Variants in LHPP observed in about 807,000 individuals in gnomAD.
LHPP encodes phospholysine phosphohistidine inorganic pyrophosphate phosphatase.
In LHPP, 24 loss-of-function variants were observed where a neutral mutation model predicts 30.3. The observed-to-expected ratio is 0.79, with a 90% CI of 0.57 to 1.11. The LOEUF is 1.11. Ranked by LOEUF, LHPP falls within the 50% of genes most tolerant of loss-of-function variation. The pLI is 0.00. For synonymous variants in LHPP, 150 were observed against 157.1 expected, an observed-to-expected ratio of 0.95 and a Z score of 0.34; for missense variants, 356 against 367.2, an observed-to-expected ratio of 0.97 and a Z score of 0.25.
chr10:124,606,304 C>A (rs4962392), intron 6 of LHPP, among the ~76,000 whole-genome samples: 14,523 of 152,218 alleles, frequency 0.095, 746 homozygotes, highest in Admixed American at 0.14. Context: ...GGACGATGGA[C>A]GGGAGCAGTG....
At chr10:124,568,783 A>G (rs960308056) in intron 6 of LHPP, among the ~76,000 whole-genome samples, 1 of 152,092 alleles carries the variant, frequency 6.6e-6, no homozygotes, top group African/African-American at 2.4e-5. Context: ...GGTCACCCTC[A>G]CCTCGCCGTT....
At chr10:124,589,929 G>A (rs1948858295) in intron 6 of LHPP, among the ~76,000 whole-genome samples, 1 of 152,148 alleles carries the variant, frequency 6.6e-6, no homozygotes, top group South Asian at 2.1e-4. Context: ...GGGCTGGCGG[G>A]GCTCGGGAGC....
chr10:124,490,579 C>T (rs904759381), intron 3 of LHPP: 1 of 296,876 alleles, frequency 3.4e-6, no homozygotes, highest in African/African-American at 2.2e-5. Context: ...GCATCAACAT[C>T]TCTGCAGCTG....
intron 1 of LHPP, among the ~76,000 whole-genome samples, chr10:124,473,185 AC>A (rs1002805561): frequency 2.0e-5 from 3 of 152,276 alleles, no homozygotes; most frequent in Admixed American, 2.0e-4. Flanking sequence ...GGCACAAGTT[AC>A]AAAGCTCATG....
In LHPP at chr10:124,576,680, G is replaced by A. The variant is rs1055123461; in HGVS notation, c.717-36584G>A. Among the ~76,000 whole-genome samples, 1 of 152,136 alleles carries A rather than the reference G, an allele frequency of 6.6e-6. No individual in the cohort carries two copies. The highest frequency in any genetic ancestry group is 1.5e-5 in the Non-Finnish European group (1 of 68,020). ...ACTGCACACACAAAACTCCTTCCCT[G>A]AGCGAGGGATAGGCAGAGCTGAGGG... On this transcript the variant is annotated intron_variant, in intron 6 of 6. Coordinates refer to ENST00000368842, the MANE Select transcript of LHPP (RefSeq NM_022126.4). This position sits in a 1 kb window ranked among gnomAD's most constrained non-coding sequence, Gnocchi z 4.2.
At position 124,611,403 on chromosome 10, in the gene LHPP, T is replaced by C. The variant is rs111929095; in HGVS notation, c.717-1861T>C. On this transcript the variant is annotated intron_variant, in intron 6 of 6. Coordinates refer to ENST00000368842, the MANE Select transcript of LHPP (RefSeq NM_022126.4). Reference sequence around the variant, plus strand: ...GGGTGACCACTTCTTCCTTGGAGGATGGAAGGGAGAGGGATGTGAGGCTCG... The same window carrying C: ...GGGTGACCACTTCTTCCTTGGAGGACGGAAGGGAGAGGGATGTGAGGCTCG... Among the ~76,000 whole-genome samples, 209 of 147,974 alleles carry C rather than the reference T, an allele frequency of 1.4e-3. 1 individual carries two copies. The highest frequency in any genetic ancestry group is 4.6e-3 in the African/African-American group (189 of 40,750).
chr10:124,574,405 T>C (rs1564837765), intron 6 of LHPP, among the ~76,000 whole-genome samples: 1 of 151,326 alleles, frequency 6.6e-6, no homozygotes, highest in Non-Finnish European at 1.5e-5. Flanking sequence ...TCCCCTCGAG[T>C]CCCCAGAACT....
intron 6 of LHPP, among the ~76,000 whole-genome samples, chr10:124,559,110 C>A (rs11245289): frequency 0.41 from 61,735 of 151,928 alleles, 12,784 homozygotes; most frequent in East Asian, 0.49. Flanking sequence ...CACCTATGTG[C>A]AAAGAAGTTG....
intron 6 of LHPP, among the ~76,000 whole-genome samples, chr10:124,611,344 C>A (rs1564853515): frequency 2.0e-5 from 3 of 152,090 alleles, no homozygotes; most frequent in Admixed American, 2.0e-4. Flanking sequence ...GTCTCTGAAC[C>A]TTTCTGAGCT....
chr10:124,528,279 C>T lies in LHPP; in HGVS notation c.716+11008C>T, dbSNP rs74860990. On this transcript the variant is annotated intron_variant, in intron 6 of 6. Coordinates refer to ENST00000368842, the MANE Select transcript of LHPP (RefSeq NM_022126.4). ...ACTGACTCTGGGGTTCTGTCCACCCCGTGGGTGTGGTCCACCACATGGTCA... is the reference window on the plus strand; with the variant it reads ...ACTGACTCTGGGGTTCTGTCCACCCTGTGGGTGTGGTCCACCACATGGTCA... 1.6e-3 allele frequency among the ~76,000 whole-genome samples: 247 copies of T among 152,354 alleles called. 1 individual carries two copies. Among genetic ancestry groups the T allele is most frequent in the Non-Finnish European group, 2.1e-3 (140 of 68,036 alleles).
intron 5 of LHPP, among the ~76,000 whole-genome samples, chr10:124,506,263 A>ACCCCCCCCCCCCCCCCCCCCCC (rs539116106): frequency 1.2e-4 from 10 of 86,328 alleles, no homozygotes; most frequent in Non-Finnish European, 1.8e-4. Context: ...AAAACAACAA[A>ACCCCCCCCCCCCCCCCCCCCCC]CCCCCCCCCC....
intron 6 of LHPP, among the ~76,000 whole-genome samples, chr10:124,545,092 C>A (rs895429492): frequency 2.0e-5 from 3 of 152,154 alleles, no homozygotes; most frequent in Non-Finnish European, 4.4e-5. Context: ...CTGGTGCCCC[C>A]GCCCCCAGAG....
chr10:124,563,313 C>CTTTTT (rs58678509), intron 6 of LHPP, among the ~76,000 whole-genome samples: 31,112 of 138,656 alleles, frequency 0.22, 4,311 homozygotes, highest in Non-Finnish European at 0.29. Flanking sequence ...CTCTCTTTTT[C>CTTTTT]TTTTTTTTTT....
chr10:124,486,761 G>A (rs200185354), intron 2 of LHPP, among the ~76,000 whole-genome samples: 2 of 152,194 alleles, frequency 1.3e-5, no homozygotes, highest in African/African-American at 2.4e-5. Context: ...GGCCAGGGCC[G>A]CAGGGATACA....
intron 3 of LHPP, among the ~76,000 whole-genome samples, chr10:124,492,882 A>G (rs1390880056): frequency 1.3e-5 from 2 of 152,196 alleles, no homozygotes; most frequent in Non-Finnish European, 2.9e-5. Context: ...TAATGTTAAC[A>G]CTTTTTTCTT....
intron 6 of LHPP, among the ~76,000 whole-genome samples, chr10:124,606,711 G>T (rs981315842): frequency 1.3e-5 from 2 of 152,264 alleles, no homozygotes; most frequent in African/African-American, 4.8e-5. Context: ...CAGCTGTCTG[G>T]GGGCCTGGGC....
chr10:124,563,294 A>T (rs1948426806), intron 6 of LHPP, among the ~76,000 whole-genome samples: 1 of 82,300 alleles, frequency 1.2e-5, no homozygotes, highest in South Asian at 5.2e-4. Flanking sequence ...AAAAAGAAAC[A>T]ATCTCTCTCT....
In LHPP at chr10:124,496,842, C is replaced by T; in HGVS notation, c.468-119C>T. On this transcript the variant is annotated intron_variant, in intron 3 of 6. Coordinates refer to ENST00000368842, the MANE Select transcript of LHPP (RefSeq NM_022126.4). This position sits in a 1 kb window ranked among gnomAD's most constrained non-coding sequence, Gnocchi z 4.3. ...TCAGCGTAGCGCCTGGACTGCCCCT[C>T]AGCCGCGGCTTGGCTCTGCAGCCAG... is the stretch of plus-strand genomic sequence containing the variant. 1.2e-6 allele frequency: 1 copy of T among 861,034 alleles called. No homozygotes were observed. The highest frequency in any genetic ancestry group is 1.9e-6 in the Non-Finnish European group (1 of 538,980). 53.3% of individuals were successfully genotyped at this position (861,034 alleles called of 1,614,324 possible). A position where few individuals can be genotyped will look rare whatever the true frequency, so the allele number is the denominator to read the frequency against.
chr10:124,466,002 T>C (rs780509145), intron 1 of LHPP, among the ~76,000 whole-genome samples: 1 of 152,214 alleles, frequency 6.6e-6, no homozygotes, highest in Non-Finnish European at 1.5e-5. Flanking sequence ...TTGCAGAAGA[T>C]ACATTTGACA....
Sources: gnomAD v4.1 joint callset for allele counts (sites outside exome capture counted in the v4.1 genomes callset) on GRCh38, gnomAD v4.1.1 for gene constraint, Gnocchi (gnomAD v3.1) non-coding constraint, MANE v1.5 for transcripts, NCBI Gene and HGNC (gene_info 2026-07-23, HGNC 2026-07-21) for gene names.